Variants in ACBD6 observed in about 807,000 individuals in gnomAD.
ACBD6 encodes the protein acyl-CoA-binding domain-containing protein 6.
A neutral mutation model predicts 37.2 loss-of-function variants in ACBD6; 28 were observed. The observed-to-expected ratio is 0.75, with a 90% CI of 0.56 to 1.03. ACBD6 has a LOEUF of 1.03. Among genes scored for constraint, ACBD6 ranks in the 50% least tolerant of loss-of-function variants. The pLI is 0.00. For synonymous variants in ACBD6, 113 were observed against 126.8 expected (o/e 0.89, Z 0.73); for missense variants, 340 against 337.4 (o/e 1.01, Z -0.06).
intron 5 of ACBD6, among the ~76,000 whole-genome samples, chr1:180,406,814 G>C (rs867196126): frequency 2.0e-5 from 3 of 152,166 alleles, no homozygotes; most frequent in Middle Eastern, 6.8e-3. Flanking sequence ...GGAATCAGTA[G>C]GGAAATATCT....
At chr1:180,368,842 C>G (rs1190918974) in intron 6 of ACBD6, among the ~76,000 whole-genome samples, 1 of 151,984 alleles carries the variant, frequency 6.6e-6, no homozygotes, top group African/African-American at 2.4e-5. Flanking sequence ...GTATCCTTTC[C>G]TCTCCTCTCA....
chr1:180,418,506 G>A (rs115105620), intron 4 of ACBD6, among the ~76,000 whole-genome samples: 31 of 152,040 alleles, frequency 2.0e-4, no homozygotes, highest in Non-Finnish European at 4.0e-4. Context: ...TTAAGCACAG[G>A]AGTTTGAGGT....
At chr1:180,345,834 A>G (rs1024966360) in intron 6 of ACBD6, among the ~76,000 whole-genome samples, 12 of 152,188 alleles carry the variant, frequency 7.9e-5, no homozygotes, top group Non-Finnish European at 1.2e-4. Flanking sequence ...CAGTATGTCT[A>G]TATGTTTTTT....
intron 7 of ACBD6, among the ~76,000 whole-genome samples, chr1:180,291,475 C>T (rs1220666096): frequency 6.6e-6 from 1 of 152,100 alleles, no homozygotes; most frequent in Non-Finnish European, 1.5e-5. Flanking sequence ...TAACAATGAA[C>T]ATTTCTCATG....
intron 6 of ACBD6, among the ~76,000 whole-genome samples, chr1:180,349,487 C>T (rs1023204203): frequency 1.3e-5 from 2 of 151,846 alleles, no homozygotes; most frequent in Non-Finnish European, 2.9e-5. Context: ...AATCTCCTGA[C>T]CTCGTGATCC....
intron 6 of ACBD6, among the ~76,000 whole-genome samples, chr1:180,350,962 A>G (rs535489046): frequency 6.6e-6 from 1 of 152,320 alleles, no homozygotes; most frequent in East Asian, 1.9e-4. Context: ...TGTTGCATCC[A>G]GGTCATGGAG....
At chr1:180,421,126 G>A (rs1307324719) in intron 4 of ACBD6, among the ~76,000 whole-genome samples, 1 of 152,118 alleles carries the variant, frequency 6.6e-6, no homozygotes, top group East Asian at 1.9e-4. Context: ...TAGGTATTAA[G>A]CCCAGCATCC....
At chr1:180,458,227 A>G (rs1487816224) in intron 3 of ACBD6, among the ~76,000 whole-genome samples, 1 of 152,256 alleles carries the variant, frequency 6.6e-6, no homozygotes, top group Non-Finnish European at 1.5e-5. Context: ...AATGAAAAAT[A>G]TACATAATTG....
In ACBD6 at chr1:180,317,291, G is replaced by C. The variant is rs1650852079; in HGVS notation, c.664-2569C>G. Among the ~76,000 whole-genome samples, 4 of 152,284 alleles carry C rather than the reference G, an allele frequency of 2.6e-5. No homozygotes were observed. In the South Asian group the frequency reaches 6.2e-4, roughly 24 times the overall value. On this transcript the variant is annotated intron_variant, in intron 6 of 7. Coordinates refer to ENST00000367595, the MANE Select transcript of ACBD6 (RefSeq NM_032360.4). ...TGATTCCATTTATAAGAGATACCTA[G>C]AGTAGTCAAATTCATAGGAACATGA...
chr1:180,424,449 AG>A (rs1173390891), intron 4 of ACBD6, among the ~76,000 whole-genome samples: 1 of 152,318 alleles, frequency 6.6e-6, no homozygotes, highest in East Asian at 1.9e-4. Flanking sequence ...TAGAACTTCA[AG>A]GAAAAAAATA....
At chr1:180,286,911 G>A (rs1389190814), downstream of ACBD6, 1 of 152,084 alleles carries the variant, frequency 6.6e-6, no homozygotes, top group East Asian at 1.9e-4. Flanking sequence ...TACTAAGCAA[G>A]TTTATTACTC....
At chr1:180,450,437 G>A (rs555407539) in intron 3 of ACBD6, among the ~76,000 whole-genome samples, 1 of 152,300 alleles carries the variant, frequency 6.6e-6, no homozygotes, top group Admixed American at 6.5e-5. Flanking sequence ...GTCTGGAGAT[G>A]AGGAGACTTA....
chr1:180,444,471 G>T (rs1649403572), intron 3 of ACBD6, among the ~76,000 whole-genome samples: 1 of 152,136 alleles, frequency 6.6e-6, no homozygotes, highest in Non-Finnish European at 1.5e-5. Context: ...GAAATAAAAA[G>T]ATTATATCTT....
intron 3 of ACBD6, chr1:180,436,066 G>A (rs1163689859): frequency 1.7e-6 from 1 of 601,956 alleles, no homozygotes; most frequent in African/African-American, 1.9e-5. Flanking sequence ...TAGACCTCCA[G>A]GTTAAAGATG....
At chr1:180,433,240 C>T (rs746811230) in intron 3 of ACBD6, among the ~76,000 whole-genome samples, 9 of 152,032 alleles carry the variant, frequency 5.9e-5, no homozygotes, top group Admixed American at 5.9e-4. Context: ...GTTCAACATA[C>T]AAAAATCAAT....
chr1:180,410,998 G>A (rs1383100611), intron 5 of ACBD6, among the ~76,000 whole-genome samples: 1 of 152,170 alleles, frequency 6.6e-6, no homozygotes, highest in Non-Finnish European at 1.5e-5. Flanking sequence ...ACAGGAGTCT[G>A]GAAGAAGTTG....
intron 3 of ACBD6, among the ~76,000 whole-genome samples, chr1:180,455,842 C>T (rs2102034207): frequency 6.6e-6 from 1 of 152,216 alleles, no homozygotes; most frequent in African/African-American, 2.4e-5. Flanking sequence ...GGTCCTAATC[C>T]ATAAAGGAAA....
intron 6 of ACBD6, among the ~76,000 whole-genome samples, chr1:180,393,709 G>A (rs1057002796): frequency 6.6e-6 from 1 of 152,122 alleles, no homozygotes; most frequent in Admixed American, 6.5e-5. Flanking sequence ...CTCTGACTTC[G>A]AAGCATGTTA....
At chr1:180,498,721 G>A (rs749364355) in intron 1 of ACBD6, among the ~76,000 whole-genome samples, 3 of 152,148 alleles carry the variant, frequency 2.0e-5, no homozygotes, top group Non-Finnish European at 4.4e-5. Context: ...AATCAGGTGC[G>A]GTGGCAGACA....
Sources: allele counts gnomAD v4.1 joint callset (sites outside exome capture counted in the v4.1 genomes callset), GRCh38; gene constraint gnomAD v4.1.1; transcripts MANE v1.5; gene names NCBI Gene and HGNC (gene_info 2026-07-23, HGNC 2026-07-21).